APCS: variants seen among roughly 807,000 people sequenced by gnomAD.
APCS encodes the protein amyloid P component, serum, also known as serum amyloid P-component.
In APCS, 2 loss-of-function variants were observed where a neutral mutation model predicts 2.5. The observed-to-expected ratio is 0.80, with a 90% CI of 0.33 to 2.53. The LOEUF is 2.53. Ranked by LOEUF, APCS falls within the 30% of genes most tolerant of loss-of-function variation. The pLI is 0.11. For missense variants in APCS, 302 were observed against 258.9 expected, an observed-to-expected ratio of 1.17 and a Z score of -1.14; for synonymous variants, 109 against 102.5, an observed-to-expected ratio of 1.06 and a Z score of -0.39.
In APCS at chr1:159,588,564, G is replaced by C; in HGVS notation, c.528G>C (p.Leu176Phe). ...SQSFVGEIGD[L>F]YMWDSVLPPE... The stretch of plus-strand genomic sequence containing the variant: ...CCTTTGTGGGAGAGATTGGGGATTT[G>C]TACATGTGGGACTCTGTGCTGCCCC... Residue 176 changes from leucine (L) to phenylalanine (F), a missense_variant, in exon 2 of 2, where the codon TTG (leucine) becomes TTC (phenylalanine). Coordinates refer to ENST00000255040, the MANE Select transcript of APCS (RefSeq NM_001639.4). 1.2e-6 allele frequency: 2 copies of C among 1,613,904 alleles called. No individual in the cohort carries two copies. The highest frequency in any genetic ancestry group is 1.7e-6 in the Non-Finnish European group (2 of 1,179,986).
rs200643478 is a variant in APCS at position 159,587,964 on chromosome 1, C to A, written c.43C>A (p.Leu15Met). ...LLWISVLTSL[L>M]EAFAHTDLSG... is the part of the protein sequence containing the mutation. ...TTGGATCTCTGTCCTCACCAGCCTCCTGGAAGCCTTTGCTCACACAGGTAA... is the reference window on the plus strand; with the variant it reads ...TTGGATCTCTGTCCTCACCAGCCTCATGGAAGCCTTTGCTCACACAGGTAA... The change falls in exon 1 of 2, where the codon CTG becomes ATG. Residue 15 changes from leucine to methionine, a missense_variant. Coordinates refer to ENST00000255040, the MANE Select transcript of APCS (RefSeq NM_001639.4). 13 of 1,614,048 alleles carry A rather than the reference C, an allele frequency of 8.1e-6. No individual in the cohort carries two copies. Among genetic ancestry groups the A allele is most frequent in the Non-Finnish European group, 1.1e-5 (13 of 1,180,030 alleles).
In APCS at chr1:159,587,853, C is replaced by G. The variant is rs771860703; in HGVS notation, c.-69C>G. On this transcript the variant is annotated 5_prime_UTR_variant, in exon 1 of 2. Coordinates refer to ENST00000255040, the MANE Select transcript of APCS (RefSeq NM_001639.4). ...GCATGAATATCAGACGCTAGGGGGACAGCCACTGTGTTGTCTGCTACCCTC... is the reference window on the plus strand; with the variant it reads ...GCATGAATATCAGACGCTAGGGGGAGAGCCACTGTGTTGTCTGCTACCCTC... 32 of 1,498,908 alleles carry G rather than the reference C, an allele frequency of 2.1e-5. No individual in the cohort carries two copies. Among genetic ancestry groups the G allele is most frequent in the Non-Finnish European group, 3.0e-5 (32 of 1,077,448 alleles). The allele number at this position is 1,498,908 out of a possible 1,614,324, so 92.9% of individuals were successfully genotyped here. A position where few individuals can be genotyped will look rare whatever the true frequency, so the allele number is the denominator to read the frequency against.
In APCS at chr1:159,588,825, T is replaced by C; in HGVS notation, c.*117T>C. 1.7e-6 allele frequency: 2 copies of C among 1,171,454 alleles called. No individual in the cohort carries two copies. Among genetic ancestry groups the C allele is most frequent in the Non-Finnish European group, 2.4e-6 (2 of 840,214 alleles). 72.6% of individuals were successfully genotyped at this position (1,171,454 alleles called of 1,614,324 possible). On this transcript the variant is annotated 3_prime_UTR_variant, in exon 2 of 2. Transcript: ENST00000255040. Reference sequence around the variant, plus strand: ...CTTTCTTCTTTGAATTTCCTATCTGTATGTCTGCCTAATTAAAAAAATATA... The same window carrying C: ...CTTTCTTCTTTGAATTTCCTATCTGCATGTCTGCCTAATTAAAAAAATATA...
Position 159,587,875 on chromosome 1 carries a change from C to T in APCS, c.-47C>T, listed in dbSNP as rs1313336443. The T allele has an allele frequency of 6.3e-7, 1 of 1,582,722 alleles. No homozygotes were observed. The highest frequency in any genetic ancestry group is 2.2e-5 in the East Asian group (1 of 44,714). On this transcript the variant is annotated 5_prime_UTR_variant, in exon 1 of 2. Transcript: ENST00000255040. ...GGACAGCCACTGTGTTGTCTGCTAC[C>T]CTCATCCTGGTCACTGCTTCTGCTA... is the stretch of plus-strand genomic sequence containing the variant.
At chr1:159,588,074 C>A (rs530720208) in intron 1 of APCS, 27 bp from the exon 2 acceptor site, 5 of 1,612,948 alleles carry the variant, frequency 3.1e-6, no homozygotes, top group South Asian at 2.2e-5. Flanking sequence ...TACTGAAGGT[C>A]ATTATCTTTC....
chr1:159,588,758 T>G lies in APCS; in HGVS notation c.*50T>G. 6.5e-7 allele frequency: 1 copy of G among 1,547,976 alleles called. No homozygotes were observed. The highest frequency in any genetic ancestry group is 8.8e-7 in the Non-Finnish European group (1 of 1,140,808). ...GAAAATGAAATGACTGTCTAAGAGATCTGGTCAAAGCAACTGGATACTAGA... is the reference window on the plus strand; with the variant it reads ...GAAAATGAAATGACTGTCTAAGAGAGCTGGTCAAAGCAACTGGATACTAGA... On this transcript the variant is annotated 3_prime_UTR_variant, in exon 2 of 2. Transcript: ENST00000255040.
chr1:159,588,019 A>C (rs1658799097), intron 1 of APCS, 34 bp downstream of exon 1: 1 of 1,613,376 alleles, frequency 6.2e-7, no homozygotes, highest in African/African-American at 1.3e-5. Flanking sequence ...AGAATCATAA[A>C]GTGAGAAAAT....
rs1658810401 is a variant in APCS at position 159,588,372 on chromosome 1, C to T, written c.336C>T (p.His112=). The T allele has an allele frequency of 6.2e-7, 1 of 1,614,156 alleles. No individual in the cohort carries two copies. Among genetic ancestry groups the T allele is most frequent in the Non-Finnish European group, 8.5e-7 (1 of 1,180,022 alleles). ...TCGAAAAGTTCCCGGCTCCAGTGCA[C>T]ATCTGTGTGAGCTGGGAGTCCTCAT... ...KVIEKFPAPV[H]ICVSWESSSG... The change falls in exon 2 of 2, where the codon CAC becomes CAT. Residue 112 remains histidine, a synonymous_variant. Transcript: ENST00000255040.
In APCS at chr1:159,588,546, G is replaced by T. The variant is rs201797159; in HGVS notation, c.510G>T (p.Val170=). The stretch of plus-strand genomic sequence containing the variant: ...AGTTTGATAGGAGCCAGTCCTTTGT[G>T]GGAGAGATTGGGGATTTGTACATGT... ...GGKFDRSQSF[V]GEIGDLYMWD... Residue 170 remains valine, a synonymous_variant, in exon 2 of 2, where the codon GTG becomes GTT. Coordinates refer to ENST00000255040, the MANE Select transcript of APCS (RefSeq NM_001639.4). 4.3e-6 allele frequency: 7 copies of T among 1,613,990 alleles called. No homozygotes were observed. Among genetic ancestry groups the T allele is most frequent in the Non-Finnish European group, 5.1e-6 (6 of 1,179,996 alleles).
At position 159,588,316 on chromosome 1, in the gene APCS, A is replaced by T; in HGVS notation, c.280A>T (p.Ile94Phe). 6.2e-7 allele frequency: 1 copy of T among 1,614,164 alleles called. No homozygotes were observed. Residue 94 changes from isoleucine to phenylalanine, a missense_variant, in exon 2 of 2, where the codon ATT becomes TTT. Transcript: ENST00000255040. ...AAGAGTTGGAGAGTATAGTCTATAC[A>T]TTGGAAGACACAAAGTTACATCCAA... ...KERVGEYSLY[I>F]GRHKVTSKVI...
At position 159,587,959 on chromosome 1, in the gene APCS, G is replaced by C; in HGVS notation, c.38G>C (p.Ser13Thr). ...KPLLWISVLT[S>T]LLEAFAHTDL... Reference sequence around the variant, plus strand: ...CTGCTTTGGATCTCTGTCCTCACCAGCCTCCTGGAAGCCTTTGCTCACACA... The same window carrying C: ...CTGCTTTGGATCTCTGTCCTCACCACCCTCCTGGAAGCCTTTGCTCACACA... Residue 13 changes from serine to threonine, a missense_variant, in exon 1 of 2, where the codon AGC (serine) becomes ACC (threonine). Coordinates refer to ENST00000255040, the MANE Select transcript of APCS (RefSeq NM_001639.4). 1 of 1,614,144 alleles carries C rather than the reference G, an allele frequency of 6.2e-7. No individual in the cohort carries two copies.
chr1:159,587,908 C>T lies in APCS; in HGVS notation c.-14C>T, dbSNP rs1158466725. ...TGGTCACTGCTTCTGCTATAACAGC[C>T]CTAGGCCAGGAATATGAACAAGCCG... On this transcript the variant is annotated 5_prime_UTR_variant, in exon 1 of 2. Coordinates refer to ENST00000255040, the MANE Select transcript of APCS (RefSeq NM_001639.4). 6.2e-7 allele frequency: 1 copy of T among 1,613,394 alleles called. No homozygotes were observed. The highest frequency in any genetic ancestry group is 1.7e-5 in the Admixed American group (1 of 60,004).
In APCS at chr1:159,587,847, G is replaced by A; in HGVS notation, c.-75G>A. 4.1e-6 allele frequency: 6 copies of A among 1,478,394 alleles called. No individual in the cohort carries two copies. Among genetic ancestry groups the A allele is most frequent in the Non-Finnish European group, 5.7e-6 (6 of 1,059,030 alleles). 91.6% of individuals were successfully genotyped at this position (1,478,394 alleles called of 1,614,324 possible). On this transcript the variant is annotated 5_prime_UTR_variant, in exon 1 of 2. It removes the in-frame stop codon of an upstream open reading frame in the 5' UTR. Transcript: ENST00000255040. ...CTAAGGGCATGAATATCAGACGCTA[G>A]GGGGACAGCCACTGTGTTGTCTGCT...
In APCS at chr1:159,587,990, G is replaced by A. The variant is rs866268741; in HGVS notation, c.64+5G>A. ...TGGAAGCCTTTGCTCACACAGGTAA[G>A]GAGGTGAAGGAATGGTCAAGAATCA... On this transcript the variant is annotated splice_donor_5th_base_variant and intron_variant, in intron 1 of 1. Transcript: ENST00000255040. 6.2e-7 allele frequency: 1 copy of A among 1,614,072 alleles called. No homozygotes were observed. Among genetic ancestry groups the A allele is most frequent in the Non-Finnish European group, 8.5e-7 (1 of 1,179,926 alleles).
chr1:159,588,367 G>C lies in APCS; in HGVS notation c.331G>C (p.Val111Leu), dbSNP rs1658810248. 6.2e-7 allele frequency: 1 copy of C among 1,614,150 alleles called. No homozygotes were observed. The change falls in exon 2 of 2, where the codon GTG becomes CTG. Residue 111 changes from valine (V) to leucine (L), a missense_variant. By Grantham distance (32) the Val-to-Leu change is conservative (BLOSUM62 1). Coordinates refer to ENST00000255040, the MANE Select transcript of APCS (RefSeq NM_001639.4). ...AGTTATCGAAAAGTTCCCGGCTCCA[G>C]TGCACATCTGTGTGAGCTGGGAGTC... is the stretch of plus-strand genomic sequence containing the variant. Reference protein sequence around the residue: ...SKVIEKFPAPVHICVSWESSS... With the variant: ...SKVIEKFPAPLHICVSWESSS...
rs987113628 is a variant in APCS at position 159,588,852 on chromosome 1, A to G, written c.*144A>G. On this transcript the variant is annotated 3_prime_UTR_variant, in exon 2 of 2. Coordinates refer to ENST00000255040, the MANE Select transcript of APCS (RefSeq NM_001639.4). The stretch of plus-strand genomic sequence containing the variant: ...TGTCTGCCTAATTAAAAAAATATAT[A>G]TTGTATTATGCTACCTGCATTTGTT... 1.1e-6 allele frequency: 1 copy of G among 898,568 alleles called. No homozygotes were observed. The highest frequency in any genetic ancestry group is 2.7e-5 in the Admixed American group (1 of 36,846). The allele number at this position is 898,568 out of a possible 1,614,324, so 55.7% of individuals were successfully genotyped here.
At position 159,588,469 on chromosome 1, in the gene APCS, G is replaced by C. The variant is rs1297616526; in HGVS notation, c.433G>C (p.Glu145Gln). ...GGGTCTGCGACAGGGTTACTTTGTA[G>C]AAGCTCAGCCCAAGATTGTCCTGGG... Reference protein sequence around the residue: ...KKGLRQGYFVEAQPKIVLGQE... With the variant: ...KKGLRQGYFVQAQPKIVLGQE... Residue 145 changes from glutamate to glutamine, a missense_variant, in exon 2 of 2, where the codon GAA becomes CAA. By Grantham distance (29) the Glu-to-Gln change is conservative. Transcript: ENST00000255040. 2.5e-6 allele frequency: 4 copies of C among 1,613,914 alleles called. No individual in the cohort carries two copies. The highest frequency in any genetic ancestry group is 3.4e-6 in the Non-Finnish European group (4 of 1,179,910).
In APCS at chr1:159,588,437, T is replaced by C. The variant is rs199934882; in HGVS notation, c.401T>C (p.Val134Ala). 1.2e-4 allele frequency: 199 copies of C among 1,613,812 alleles called. No homozygotes were observed. Among genetic ancestry groups the C allele is most frequent in the Admixed American group, 4.3e-4 (26 of 59,956 alleles). Residue 134 changes from valine (V) to alanine (A), a missense_variant, in exon 2 of 2, where the codon GTG (valine) becomes GCG (alanine). Physicochemically the swap from Val to Ala is moderately conservative, Grantham distance 64 (BLOSUM62 0). Transcript: ENST00000255040. ...AEFWINGTPL[V>A]KKGLRQGYFV... ...TTTTGGATCAATGGGACACCTTTGGTGAAAAAGGGTCTGCGACAGGGTTAC... is the reference window on the plus strand; with the variant it reads ...TTTTGGATCAATGGGACACCTTTGGCGAAAAAGGGTCTGCGACAGGGTTAC...
In APCS at chr1:159,588,213, T is replaced by C. The variant is rs949575893; in HGVS notation, c.177T>C (p.Tyr59=). The change falls in exon 2 of 2, where the codon TAT becomes TAC. Residue 59 remains tyrosine, a synonymous_variant. Transcript: ENST00000255040. ...ACTTTACCTTGTGTTTTCGAGCCTA[T>C]AGTGATCTCTCTCGTGCCTACAGCC... ...LQNFTLCFRA[Y]SDLSRAYSLF... 6 of 1,614,174 alleles carry C rather than the reference T, an allele frequency of 3.7e-6. No homozygotes were observed. The Admixed American group carries it at 6.7e-5, about 18-fold the overall frequency.
Sources: allele counts gnomAD v4.1 joint callset, GRCh38; gene constraint gnomAD v4.1.1; transcripts MANE v1.5; gene names NCBI Gene and HGNC (gene_info 2026-07-23, HGNC 2026-07-21).